The following SLC25A12 variants were observed in gnomAD, a reference collection of about 807,000 sequenced individuals.
SLC25A12 encodes electrogenic aspartate/glutamate antiporter SLC25A12, mitochondrial.
In SLC25A12, 32 loss-of-function variants were observed where a neutral mutation model predicts 83.3. That is an observed-to-expected ratio of 0.38 (90% CI 0.29 to 0.52). The LOEUF (loss-of-function observed/expected upper bound fraction) is 0.52. Among genes scored for constraint, SLC25A12 ranks in the 20% least tolerant of loss-of-function variants. SLC25A12 has a pLI of 0.84. For synonymous variants in SLC25A12, 267 were observed against 291.1 expected, an observed-to-expected ratio of 0.92 and a Z score of 0.84; for missense variants, 611 against 835.6, an observed-to-expected ratio of 0.73 and a Z score of 3.31.
chr2:171,807,877 C>T lies in SLC25A12; in HGVS notation c.1305+1729G>A, dbSNP rs373840533. Among the ~76,000 whole-genome samples the T allele has an allele frequency of 1.6e-4, 24 of 152,350 alleles. No individual in the cohort carries two copies. In the East Asian group the frequency reaches 4.2e-3, roughly 27 times the overall value. On this transcript the variant is annotated intron_variant, in intron 13 of 17. Coordinates refer to ENST00000422440, the MANE Select transcript of SLC25A12 (RefSeq NM_003705.5). ...CACACACCCACACAGCAGTCCACCT[C>T]TTCCAAAGCAACTCTGCAGAGGACT...
At chr2:171,842,841 A>G (rs975654831) in intron 5 of SLC25A12, among the ~76,000 whole-genome samples, 3 of 152,148 alleles carry the variant, frequency 2.0e-5, no homozygotes, top group Non-Finnish European at 4.4e-5. Context: ...TTAATTTTTT[A>G]GATGGAGTCT....
chr2:171,794,098 G>C (rs1266176221), intron 13 of SLC25A12, among the ~76,000 whole-genome samples: 2 of 152,192 alleles, frequency 1.3e-5, no homozygotes, highest in Non-Finnish European at 2.9e-5. Context: ...AGCGGAGCCA[G>C]ATGTGGCAGC....
At chr2:171,861,235 A>G (rs1438844979) in intron 3 of SLC25A12, among the ~76,000 whole-genome samples, 1 of 152,090 alleles carries the variant, frequency 6.6e-6, no homozygotes, top group Non-Finnish European at 1.5e-5. Context: ...TTCATAATAA[A>G]ATGTTGGGAG....
intron 5 of SLC25A12, among the ~76,000 whole-genome samples, chr2:171,838,985 G>A (rs976042417): frequency 3.3e-5 from 5 of 152,038 alleles, no homozygotes; most frequent in African/African-American, 1.2e-4. Context: ...AAAATGAGAA[G>A]TTAAACACAG....
rs776018138 is a variant in SLC25A12 at position 171,815,349 on chromosome 2, T to C, written c.931-147A>G. On this transcript the variant is annotated intron_variant, in intron 9 of 17. Coordinates refer to ENST00000422440, the MANE Select transcript of SLC25A12 (RefSeq NM_003705.5). ...TAATATCTTTTCTAAAAGAAGAAAA[T>C]AGGATATTCATGCAGCCAAAAATGA... 3.5e-4 allele frequency: 234 copies of C among 659,714 alleles called. 1 individual carries two copies. The highest frequency in any genetic ancestry group is 1.9e-3 in the African/African-American group (102 of 54,624). 40.9% of individuals were successfully genotyped at this position (659,714 alleles called of 1,614,324 possible). A position where few individuals can be genotyped will look rare whatever the true frequency, so the allele number is the denominator to read the frequency against.
intron 15 of SLC25A12, 187 bp from the exon 16 acceptor site, chr2:171,788,134 G>A (rs778208407): frequency 1.7e-6 from 1 of 579,306 alleles, no homozygotes; most frequent in South Asian, 2.2e-5. Flanking sequence ...GTGATCAGGG[G>A]AAAATTATTA....
chr2:171,833,567 A>C (rs915181164), intron 8 of SLC25A12, among the ~76,000 whole-genome samples: 1 of 152,104 alleles, frequency 6.6e-6, no homozygotes, highest in Non-Finnish European at 1.5e-5. Flanking sequence ...CACTGGGCCC[A>C]GCCTCTTTCC....
At position 171,809,406 on chromosome 2, in the gene SLC25A12, G is replaced by A. The variant is rs117156756; in HGVS notation, c.1305+200C>T. ...TTTAATGATCACCATTCTAACTGGC[G>A]GAAAATGCTACCTCTTTTCTACACT... On this transcript the variant is annotated intron_variant, in intron 13 of 17. Transcript: ENST00000422440. 1.8e-3 allele frequency: 1,086 copies of A among 591,022 alleles called. 16 individuals carry two copies. In the East Asian group the frequency reaches 0.03, roughly 16 times the overall value. The allele number at this position is 591,022 out of a possible 1,614,324, so 36.6% of individuals were successfully genotyped here.
rs974257143 is a variant in SLC25A12 at position 171,860,724 on chromosome 2, A to G, written c.210-4775T>C. Among the ~76,000 whole-genome samples the G allele has an allele frequency of 2.0e-5, 3 of 152,256 alleles. No individual in the cohort carries two copies. In the East Asian group the frequency reaches 5.8e-4, roughly 29 times the overall value. ...TACTCTGAAATGTATTAAAAAAAAG[A>G]TGGATTGATGGAAGGATAGAGGGAT... On this transcript the variant is annotated intron_variant, in intron 3 of 17. Coordinates refer to ENST00000422440, the MANE Select transcript of SLC25A12 (RefSeq NM_003705.5).
intron 13 of SLC25A12, among the ~76,000 whole-genome samples, chr2:171,800,924 G>A (rs1158841861): frequency 6.6e-6 from 1 of 152,194 alleles, no homozygotes; most frequent in Non-Finnish European, 1.5e-5. Context: ...GAAATCAGAA[G>A]TGTGGTTGCA....
intron 2 of SLC25A12, among the ~76,000 whole-genome samples, chr2:171,890,805 C>T (rs1685917083): frequency 6.6e-6 from 1 of 152,016 alleles, no homozygotes; most frequent in Non-Finnish European, 1.5e-5. Flanking sequence ...TTTCTTGCTG[C>T]GTTAGGCCTT....
intron 8 of SLC25A12, among the ~76,000 whole-genome samples, chr2:171,832,583 C>A (rs1046771433): frequency 6.6e-6 from 1 of 152,130 alleles, no homozygotes; most frequent in Non-Finnish European, 1.5e-5. Flanking sequence ...CTCATTATAC[C>A]TCTAACTGCA....
At chr2:171,872,683 C>T (rs377709068) in intron 2 of SLC25A12, among the ~76,000 whole-genome samples, 2 of 152,118 alleles carry the variant, frequency 1.3e-5, no homozygotes, top group East Asian at 3.8e-4. Context: ...ATTCTTAGGA[C>T]TGGTGGGATG....
chr2:171,891,910 A>C (rs1370120585), intron 2 of SLC25A12, among the ~76,000 whole-genome samples: 1 of 152,228 alleles, frequency 6.6e-6, no homozygotes, highest in African/African-American at 2.4e-5. Context: ...CATAAACTAC[A>C]CATATGTATG....
intron 2 of SLC25A12, among the ~76,000 whole-genome samples, chr2:171,880,666 G>C (rs951121278): frequency 2.0e-5 from 3 of 152,194 alleles, no homozygotes; most frequent in African/African-American, 7.2e-5. Context: ...ATCAGCCAGA[G>C]AGTTTGCATA....
chr2:171,802,611 C>T (rs550738644), intron 13 of SLC25A12, among the ~76,000 whole-genome samples: 1 of 152,090 alleles, frequency 6.6e-6, no homozygotes, highest in African/African-American at 2.4e-5. Context: ...CCCGTCTCTA[C>T]TAAAAATACA....
intron 13 of SLC25A12, among the ~76,000 whole-genome samples, chr2:171,806,716 T>G (rs1002380972): frequency 2.3e-4 from 35 of 152,246 alleles, no homozygotes; most frequent in African/African-American, 8.2e-4. Context: ...TTGAGCCATT[T>G]CTTCCTAATT....
chr2:171,833,498 T>G (rs1385588601), intron 8 of SLC25A12, among the ~76,000 whole-genome samples: 1 of 152,146 alleles, frequency 6.6e-6, no homozygotes, highest in Non-Finnish European at 1.5e-5. Context: ...CTCAAACTTT[T>G]GACCTCAGAT....
At chr2:171,844,531 A>T (rs1033932242) in intron 4 of SLC25A12, 23 bp from the exon 5 acceptor site, 3 of 1,469,044 alleles carry the variant, frequency 2.0e-6, no homozygotes, top group South Asian at 1.1e-5. Context: ...AACAAAAATA[A>T]ATCAATTATA....
Sources: gnomAD v4.1 joint callset for allele counts (sites outside exome capture counted in the v4.1 genomes callset) on GRCh38, gnomAD v4.1.1 for gene constraint, MANE v1.5 for transcripts, NCBI Gene and HGNC (gene_info 2026-07-23, HGNC 2026-07-21) for gene names.